IDUA: variants seen among roughly 807,000 people sequenced by gnomAD.
The protein encoded by IDUA is alpha-L-iduronidase.
In IDUA, 65 loss-of-function variants were observed where a neutral mutation model predicts 68.9. The ratio of observed to expected loss-of-function variants is 0.94; its 90% CI spans 0.77 to 1.16. The LOEUF (loss-of-function observed/expected upper bound fraction) is 1.16. IDUA is among the 50% of genes most tolerant of loss of function. The pLI, the probability that IDUA is intolerant of heterozygous loss-of-function variation, is 0.00. For synonymous variants in IDUA, 529 were observed against 433.6 expected (o/e 1.22, Z -2.73); for missense variants, 1,046 against 938.0 (o/e 1.12, Z -1.50).
intron 2 of IDUA, 160 bp downstream of exon 2, chr4:988,109 G>T (rs1323479421): frequency 2.1e-6 from 3 of 1,436,440 alleles, no homozygotes; most frequent in Non-Finnish European, 2.7e-6. Flanking sequence ...TGGGGTGAGG[G>T]CTGTGTGCTG....
intron 2 of IDUA, chr4:991,129 T>C: frequency 6.5e-7 from 1 of 1,533,008 alleles, no homozygotes; most frequent in Non-Finnish European, 8.8e-7. Flanking sequence ...GCTCCTCACC[T>C]GGTAAAGCCC....
chr4:988,157 A>C, intron 2 of IDUA: 1 of 1,397,902 alleles, frequency 7.2e-7, no homozygotes, highest in South Asian at 1.6e-5. Flanking sequence ...GGCTTCCTGC[A>C]GGTCTCCCTG....
intron 12 of IDUA, 71 bp from the exon 13 acceptor site, chr4:1,003,941 C>A: frequency 1.6e-6 from 2 of 1,271,934 alleles, no homozygotes; most frequent in Non-Finnish European, 2.3e-6. Context: ...GTCCACGCGG[C>A]CGTGCCCTGC....
In IDUA at chr4:987,078, C is replaced by T. The variant is rs990934606; in HGVS notation, c.-7C>T. On this transcript the variant is annotated 5_prime_UTR_variant, in exon 1 of 14. Transcript: ENST00000514224. ...CGAAGCCCCGCAGTCCCCGAGCACG[C>T]GTGGCCATGCGTCCCCTGCGCCCCC... 2 of 1,491,238 alleles carry T rather than the reference C, an allele frequency of 1.3e-6. No individual in the cohort carries two copies. Among genetic ancestry groups the T allele is most frequent in the Admixed American group, 2.1e-5 (1 of 46,688 alleles). The allele number at this position is 1,491,238 out of a possible 1,614,324, so 92.4% of individuals were successfully genotyped here.
intron 2 of IDUA, 64 bp downstream of exon 2, chr4:988,013 G>GT: frequency 2.6e-6 from 4 of 1,512,546 alleles, no homozygotes; most frequent in Non-Finnish European, 3.6e-6. Flanking sequence ...GGGAGGGGAG[G>GT]GCTGGGGGCT....
intron 2 of IDUA, among the ~76,000 whole-genome samples, chr4:993,994 C>T (rs1210521605): frequency 1.3e-5 from 2 of 152,250 alleles, no homozygotes; most frequent in Admixed American, 6.5e-5. Flanking sequence ...CGACCCACAG[C>T]GCCTGGTCAC....
chr4:1,004,499 ATATTT>A lies in IDUA; in HGVS notation c.*111_*115del. 8.8e-7 allele frequency: 1 copy of A among 1,135,900 alleles called. No homozygotes were observed. The allele number at this position is 1,135,900 out of a possible 1,614,324, so 70.4% of individuals were successfully genotyped here. A position where few individuals can be genotyped will look rare whatever the true frequency, so the allele number is the denominator to read the frequency against. ...ATCACCCCCTTTGCAATATATTTTTATATTTTATTATTTTCTTTTATATCTTGGTA... is the reference window on the plus strand; with the variant it reads ...ATCACCCCCTTTGCAATATATTTTTATATTATTTTCTTTTATATCTTGGTA... On this transcript the variant is annotated 3_prime_UTR_variant, in exon 14 of 14. Transcript: ENST00000514224. The surrounding 1 kb of genome is among the most constrained non-coding windows in gnomAD (Gnocchi z 5.0).
At chr4:988,181 G>A (rs1713898156) in intron 2 of IDUA, 1 of 1,380,352 alleles carries the variant, frequency 7.2e-7, no homozygotes, top group Admixed American at 3.1e-5. Flanking sequence ...GCTCAGGGTT[G>A]GCTGCGCCGC....
At chr4:989,598 C>G in intron 2 of IDUA, 1 of 1,601,558 alleles carries the variant, frequency 6.2e-7, no homozygotes, top group East Asian at 2.3e-5. Context: ...GCAGGCTGAC[C>G]ACGATGACGC....
intron 4 of IDUA, 115 bp downstream of exon 4, chr4:1,001,104 G>A (rs1392296716): frequency 1.4e-5 from 11 of 769,460 alleles, no homozygotes; most frequent in Non-Finnish European, 2.4e-5. Context: ...GGCAGGCGCA[G>A]GCCCTTGTGG....
chr4:1,003,244 G>C (rs1474578364), intron 10 of IDUA, 87 bp downstream of exon 10: 1 of 1,310,614 alleles, frequency 7.6e-7, no homozygotes, highest in African/African-American at 1.6e-5. Context: ...GAGGCGGTGT[G>C]GGTGGGAGGT....
chr4:1,003,199 G>T, intron 10 of IDUA, 42 bp downstream of exon 10: 1 of 1,299,156 alleles, frequency 7.7e-7, no homozygotes, highest in Non-Finnish European at 9.7e-7. Flanking sequence ...GCCGGGCCGG[G>T]GTCCCGGGGG....
intron 2 of IDUA, chr4:990,630 G>A: frequency 2.0e-6 from 1 of 509,942 alleles, no homozygotes; most frequent in South Asian, 2.9e-5. Flanking sequence ...GTCACGTGCA[G>A]CAGCCCGTTT....
intron 2 of IDUA, among the ~76,000 whole-genome samples, chr4:998,993 A>G (rs1714909638): frequency 6.6e-6 from 1 of 152,104 alleles, no homozygotes; most frequent in African/African-American, 2.4e-5. Flanking sequence ...TCACGAGGTC[A>G]GGAAATGGAA....
intron 8 of IDUA, 36 bp from the exon 9 acceptor site, chr4:1,002,696 G>A: frequency 2.1e-6 from 3 of 1,395,504 alleles, no homozygotes; most frequent in Middle Eastern, 2.5e-4. Flanking sequence ...GCTGGGCAAC[G>A]ACCCCACGCG....
At chr4:991,236 T>G (rs1243013220) in intron 2 of IDUA, 3 of 1,611,546 alleles carry the variant, frequency 1.9e-6, no homozygotes, top group Non-Finnish European at 2.5e-6. Context: ...TGCTGTTGGC[T>G]CCGGGCTGCA....
chr4:993,138 AC>A lies in IDUA; in HGVS notation c.299+5193del, dbSNP rs1714500301. Among the ~76,000 whole-genome samples, 6 of 152,076 alleles carry A rather than the reference AC, an allele frequency of 3.9e-5. No homozygotes were observed. The South Asian group carries it at 1.2e-3, about 32-fold the overall frequency. ...TGGGTCCCTGGATGCCCTGAAGCCC[AC>A]CCCAAGCCCCTGGGGTCCAGGTGTG... On this transcript the variant is annotated intron_variant, in intron 2 of 13. Transcript: ENST00000514224.
intron 2 of IDUA, chr4:990,233 T>A (rs1392357676): frequency 6.3e-7 from 1 of 1,576,440 alleles, no homozygotes; most frequent in Admixed American, 1.9e-5. Flanking sequence ...TGCCGCGGGA[T>A]CCGCACGCCC....
intron 2 of IDUA, among the ~76,000 whole-genome samples, chr4:998,931 T>G (rs1028924387): frequency 5.9e-5 from 9 of 151,700 alleles, no homozygotes; most frequent in Admixed American, 2.0e-4. Context: ...CTGACTCCAG[T>G]GAGCTGCCAG....
Sources: allele counts gnomAD v4.1 joint callset (sites outside exome capture counted in the v4.1 genomes callset), GRCh38; gene constraint gnomAD v4.1.1; non-coding constraint Gnocchi (gnomAD v3.1); transcripts MANE v1.5; gene names NCBI Gene and HGNC (gene_info 2026-07-23, HGNC 2026-07-21).